The following CHN1 variants were observed in gnomAD, a reference collection of about 807,000 sequenced individuals.
CHN1 encodes N-chimaerin.
CHN1 carries 37 observed loss-of-function variants against 59.5 expected under a neutral mutation model. That is an observed-to-expected ratio of 0.62 (90% CI 0.48 to 0.82). The LOEUF (loss-of-function observed/expected upper bound fraction) is 0.82. Among genes scored for constraint, CHN1 ranks in the 40% least tolerant of loss-of-function variants. The pLI is 0.00. For synonymous variants in CHN1, 206 were observed against 200.4 expected (o/e 1.03, Z -0.24); for missense variants, 469 against 571.0 (o/e 0.82, Z 1.82).
intron 5 of CHN1, among the ~76,000 whole-genome samples, chr2:174,878,852 G>A (rs189503671): frequency 6.6e-6 from 1 of 152,344 alleles, no homozygotes; most frequent in East Asian, 1.9e-4. Flanking sequence ...CTGATGATGT[G>A]CTCTAACAAC....
chr2:174,936,521 A>G (rs1250782228), intron 3 of CHN1, among the ~76,000 whole-genome samples: 1 of 152,214 alleles, frequency 6.6e-6, no homozygotes, highest in Non-Finnish European at 1.5e-5. Flanking sequence ...ACACACATAT[A>G]TAGATACACA....
chr2:174,966,857 G>T (rs1214513578), intron 1 of CHN1, among the ~76,000 whole-genome samples: 1 of 152,144 alleles, frequency 6.6e-6, no homozygotes, highest in Non-Finnish European at 1.5e-5. Context: ...TCAAGATGAT[G>T]TTTAATTCCT....
chr2:174,946,338 G>A (rs940640405), intron 2 of CHN1, among the ~76,000 whole-genome samples: 1 of 152,062 alleles, frequency 6.6e-6, no homozygotes, highest in South Asian at 2.1e-4. Context: ...TGCATCTTGA[G>A]TTCATCACTA....
In CHN1 at chr2:174,941,399, A is replaced by G. The variant is rs56354775; in HGVS notation, c.114+3489T>C. Among the ~76,000 whole-genome samples the G allele has an allele frequency of 3.6e-3, 541 of 152,278 alleles. 4 individuals carry two copies. Among genetic ancestry groups the G allele is most frequent in the African/African-American group, 7.2e-3 (298 of 41,544 alleles). On this transcript the variant is annotated intron_variant, in intron 3 of 12. Coordinates refer to ENST00000409900, the MANE Select transcript of CHN1 (RefSeq NM_001822.7). ...GATAGAAAAAAAATTTTTTTAATCT[A>G]TAAGTTAATATTAATGCCACCAATT...
chr2:174,943,887 G>A (rs1194655592), intron 3 of CHN1, among the ~76,000 whole-genome samples: 1 of 152,076 alleles, frequency 6.6e-6, no homozygotes, highest in Non-Finnish European at 1.5e-5. Flanking sequence ...TGAACTCCTG[G>A]ATCAAGCTGT....
intron 5 of CHN1, among the ~76,000 whole-genome samples, chr2:174,887,039 T>G (rs1687915551): frequency 6.6e-6 from 1 of 152,214 alleles, no homozygotes; most frequent in South Asian, 2.1e-4. Flanking sequence ...CTTCTGTTAC[T>G]ATAATTTTCT....
chr2:174,909,994 T>C (rs1181009333), intron 5 of CHN1, among the ~76,000 whole-genome samples: 2 of 152,234 alleles, frequency 1.3e-5, no homozygotes, highest in East Asian at 3.8e-4. Flanking sequence ...TTTGTCTAAT[T>C]CTAAAGTCTA....
intron 2 of CHN1, among the ~76,000 whole-genome samples, chr2:174,951,253 C>T (rs971318634): frequency 1.3e-5 from 2 of 152,108 alleles, no homozygotes; most frequent in Admixed American, 6.5e-5. Context: ...AGAGACTGTT[C>T]ATATTTTACT....
At position 174,976,176 on chromosome 2, in the gene CHN1, T is replaced by C. The variant is rs150392771; in HGVS notation, c.20-23974A>G. Among the ~76,000 whole-genome samples the C allele has an allele frequency of 3.5e-3, 527 of 151,310 alleles. 3 individuals are homozygous for C. Among genetic ancestry groups the C allele is most frequent in the African/African-American group, 0.012 (506 of 41,246 alleles). On this transcript the variant is annotated intron_variant, in intron 1 of 12. Transcript: ENST00000409900. ...AAAAGGACTAAGATTTTGGCTTTCC[T>C]GTTTAAATTTTTATTAAAATTTCTG...
intron 7 of CHN1, among the ~76,000 whole-genome samples, chr2:174,839,031 A>T (rs1056944164): frequency 1.3e-5 from 2 of 151,696 alleles, no homozygotes; most frequent in Admixed American, 6.6e-5. Context: ...AAAAAAAAAA[A>T]TTTAGAAGAA....
At chr2:174,951,831 T>C (rs556827686) in intron 2 of CHN1, among the ~76,000 whole-genome samples, 18 of 152,322 alleles carry the variant, frequency 1.2e-4, no homozygotes, top group African/African-American at 3.8e-4. Context: ...ACATAAAGAA[T>C]CAGGACCTGA....
chr2:174,915,240 C>G (rs1387311536), intron 4 of CHN1, 69 bp from the exon 5 acceptor site: 9 of 1,081,674 alleles, frequency 8.3e-6, no homozygotes, highest in Non-Finnish European at 1.2e-5. Flanking sequence ...AAAACAACGT[C>G]CCACCACCAC....
At chr2:174,916,369 C>G (rs1490569904) in intron 4 of CHN1, among the ~76,000 whole-genome samples, 4 of 152,138 alleles carry the variant, frequency 2.6e-5, no homozygotes, top group Non-Finnish European at 5.9e-5. Flanking sequence ...TATACCTTCT[C>G]TCCTGTTAAT....
intron 3 of CHN1, among the ~76,000 whole-genome samples, chr2:174,939,597 G>A (rs1689597406): frequency 6.6e-6 from 1 of 152,002 alleles, no homozygotes; most frequent in African/African-American, 2.4e-5. Context: ...AATACTTCAG[G>A]ACTTTCCAAA....
At chr2:174,997,134 C>T (rs932203178) in intron 1 of CHN1, among the ~76,000 whole-genome samples, 1 of 152,196 alleles carries the variant, frequency 6.6e-6, no homozygotes, top group Admixed American at 6.5e-5. Flanking sequence ...ACTAAATATT[C>T]ATCAGATAGA....
chr2:174,906,291 G>A (rs1688540601), intron 5 of CHN1, among the ~76,000 whole-genome samples: 1 of 152,060 alleles, frequency 6.6e-6, no homozygotes, highest in African/African-American at 2.4e-5. Flanking sequence ...AAGGAACAAA[G>A]TACTTATACA....
Position 175,005,227 on chromosome 2 carries a change from CGCGGCGCAGTGGCTGGCGGAGAG to C in CHN1, c.-338_-316del. On this transcript the variant is annotated 5_prime_UTR_variant, in exon 1 of 13. An upstream open reading frame in the 5' UTR gains an earlier in-frame stop. Coordinates refer to ENST00000409900, the MANE Select transcript of CHN1 (RefSeq NM_001822.7). ...GTACCTGCGAGGCAGGAGGCTTGGC[CGCGGCGCAGTGGCTGGCGGAGAG>C]GCGGCGCCGCACTGGCGGCGGCGGC... The C allele has an allele frequency of 8.4e-7, 1 of 1,195,784 alleles. No homozygotes were observed. Among genetic ancestry groups the C allele is most frequent in the Non-Finnish European group, 1.0e-6 (1 of 962,242 alleles). The allele number at this position is 1,195,784 out of a possible 1,614,324, so 74.1% of individuals were successfully genotyped here.
At chr2:174,990,308 T>C (rs868188717) in intron 1 of CHN1, among the ~76,000 whole-genome samples, 43 of 14,230 alleles carry the variant, frequency 3.0e-3, no homozygotes, top group South Asian at 7.6e-3. Context: ...AGAGCAAGAG[T>C]GCGAGGTCGT....
At chr2:174,813,043 G>A (rs564864647) in intron 8 of CHN1, among the ~76,000 whole-genome samples, 5 of 152,112 alleles carry the variant, frequency 3.3e-5, no homozygotes, top group Non-Finnish European at 5.9e-5. Flanking sequence ...TACTATTACC[G>A]GCTAACATTT....
Sources: allele counts gnomAD v4.1 joint callset (sites outside exome capture counted in the v4.1 genomes callset), GRCh38; gene constraint gnomAD v4.1.1; transcripts MANE v1.5; gene names NCBI Gene and HGNC (gene_info 2026-07-23, HGNC 2026-07-21).